Variants in CA10 observed in about 807,000 individuals in gnomAD.
The protein encoded by CA10 is carbonic anhydrase 10 (inactive), also known as carbonic anhydrase-related protein 10.
CA10 carries 14 observed loss-of-function variants against 44.2 expected under a neutral mutation model. That is an observed-to-expected ratio of 0.32 (90% CI 0.21 to 0.50). CA10 has a LOEUF of 0.50. Ranked by LOEUF, CA10 falls within the 20% of genes least tolerant of loss-of-function variation. CA10 has a pLI of 0.99. For synonymous variants in CA10, 159 were observed against 141.6 expected, an observed-to-expected ratio of 1.12 and a Z score of -0.87; for missense variants, 350 against 409.7, an observed-to-expected ratio of 0.85 and a Z score of 1.26.
intron 2 of CA10, among the ~76,000 whole-genome samples, chr17:51,996,455 A>C (rs1348978271): frequency 6.6e-6 from 1 of 152,048 alleles, no homozygotes; most frequent in African/African-American, 2.4e-5. Flanking sequence ...GTGCTGGTTC[A>C]AAAATTTCCA....
At chr17:51,960,145 G>A (rs1232467070) in intron 2 of CA10, among the ~76,000 whole-genome samples, 1 of 151,826 alleles carries the variant, frequency 6.6e-6, no homozygotes, top group Non-Finnish European at 1.5e-5. Context: ...CTGGATGAAT[G>A]CAATAGCAGA....
intron 4 of CA10, among the ~76,000 whole-genome samples, chr17:51,724,286 G>A (rs533814081): frequency 6.6e-6 from 1 of 152,314 alleles, no homozygotes; most frequent in African/African-American, 2.4e-5. Flanking sequence ...GAGATGTATT[G>A]AGGCTATTTG....
intron 2 of CA10, among the ~76,000 whole-genome samples, chr17:51,950,330 CTCTGTCCTTT>C (rs1450511708): frequency 5.9e-5 from 9 of 152,154 alleles, no homozygotes; most frequent in African/African-American, 2.2e-4. Context: ...CTTTCCCCTT[CTCTGTCCTTT>C]TCTGTGCCCT....
chr17:52,035,970 C>T (rs1298172617), intron 2 of CA10, among the ~76,000 whole-genome samples: 2 of 152,174 alleles, frequency 1.3e-5, no homozygotes, highest in African/African-American at 2.4e-5. Context: ...AACACCTTGT[C>T]TAGGGGTTCT....
intron 4 of CA10, among the ~76,000 whole-genome samples, chr17:51,716,019 C>T (rs1181300612): frequency 1.3e-5 from 2 of 152,066 alleles, no homozygotes; most frequent in Non-Finnish European, 2.9e-5. Context: ...ATTTTTTGAA[C>T]CCATTAACAA....
chr17:52,052,569 T>C (rs1326538689), intron 2 of CA10, among the ~76,000 whole-genome samples: 1 of 152,094 alleles, frequency 6.6e-6, no homozygotes, highest in Non-Finnish European at 1.5e-5. Context: ...GAACAAGTGG[T>C]ACTTGTAAGA....
chr17:51,694,153 G>C (rs911182185), intron 4 of CA10, among the ~76,000 whole-genome samples: 2 of 151,454 alleles, frequency 1.3e-5, no homozygotes, highest in Non-Finnish European at 2.9e-5. Flanking sequence ...GCAGTGAGCT[G>C]AGATCATGCC....
At chr17:51,928,191 T>C (rs912929964) in intron 3 of CA10, among the ~76,000 whole-genome samples, 11 of 152,206 alleles carry the variant, frequency 7.2e-5, no homozygotes, top group Admixed American at 1.3e-4. Context: ...TTATGTCTTA[T>C]GTAGATAGCC....
At chr17:51,680,408 C>T (rs977515430) in intron 4 of CA10, among the ~76,000 whole-genome samples, 3 of 152,214 alleles carry the variant, frequency 2.0e-5, no homozygotes, top group Non-Finnish European at 4.4e-5. Context: ...CACAAAGAAA[C>T]TCTGGTTCCC....
chr17:51,665,433 T>C (rs1288877486), intron 4 of CA10, among the ~76,000 whole-genome samples: 1 of 152,014 alleles, frequency 6.6e-6, no homozygotes, highest in African/African-American at 2.4e-5. Flanking sequence ...AACATGGAGA[T>C]TTTAAGGACA....
At chr17:51,746,093 T>C (rs527973413) in intron 4 of CA10, among the ~76,000 whole-genome samples, 32 of 152,312 alleles carry the variant, frequency 2.1e-4, no homozygotes, top group Non-Finnish European at 3.7e-4. Flanking sequence ...TAGTATTTTT[T>C]TTCCCTACAG....
intron 2 of CA10, among the ~76,000 whole-genome samples, chr17:51,996,424 A>AATT (rs1222630117): frequency 1.3e-5 from 2 of 151,866 alleles, no homozygotes; most frequent in African/African-American, 4.8e-5. Context: ...TCCTTCCTTA[A>AATT]ATTATTATTA....
At chr17:52,072,480 T>A in intron 1 of CA10, 87 bp from the exon 2 acceptor site, 1 of 928,768 alleles carries the variant, frequency 1.1e-6, no homozygotes, top group Non-Finnish European at 1.7e-6. Context: ...TGAATATCCA[T>A]AAAATAACCC....
chr17:52,074,221 A>C (rs1033199490), intron 1 of CA10, among the ~76,000 whole-genome samples: 1 of 152,152 alleles, frequency 6.6e-6, no homozygotes, highest in African/African-American at 2.4e-5. Context: ...ATTCACGGAC[A>C]GTACAACCTA....
intron 2 of CA10, among the ~76,000 whole-genome samples, chr17:52,055,873 A>G (rs1056054630): frequency 3.9e-5 from 6 of 152,276 alleles, no homozygotes; most frequent in South Asian, 2.1e-4. Flanking sequence ...TAAGGCAGAT[A>G]GCCTCAAATA....
At chr17:52,130,638 G>A (rs190112845) in intron 1 of CA10, among the ~76,000 whole-genome samples, 136 of 152,248 alleles carry the variant, frequency 8.9e-4, no homozygotes, top group Admixed American at 2.2e-3. Flanking sequence ...GGTTACTAGC[G>A]ACTAGATGGT....
intron 3 of CA10, among the ~76,000 whole-genome samples, chr17:51,899,927 G>A (rs1461378335): frequency 7.4e-6 from 1 of 135,304 alleles, no homozygotes; most frequent in African/African-American, 3.1e-5. Context: ...GACTATGGGT[G>A]TCACTGCATG....
chr17:51,975,794 C>A (rs1375841152), intron 2 of CA10, among the ~76,000 whole-genome samples: 2 of 147,930 alleles, frequency 1.4e-5, no homozygotes, highest in Admixed American at 6.9e-5. Flanking sequence ...TCGTTAGAAC[C>A]GAGGAGGCGG....
At chr17:52,011,639 G>C (rs1032971822) in intron 2 of CA10, among the ~76,000 whole-genome samples, 2 of 151,902 alleles carry the variant, frequency 1.3e-5, no homozygotes, top group Non-Finnish European at 2.9e-5. Context: ...ACATGGGAGA[G>C]CTATTTCCTA....
Sources: allele counts gnomAD v4.1 joint callset (sites outside exome capture counted in the v4.1 genomes callset), GRCh38; gene constraint gnomAD v4.1.1; transcripts MANE v1.5; gene names NCBI Gene and HGNC (gene_info 2026-07-23, HGNC 2026-07-21).